CFH: variants seen among roughly 807,000 people sequenced by gnomAD.
The protein encoded by CFH is H factor 1 (complement).
CFH carries 53 observed loss-of-function variants against 147.3 expected under a neutral mutation model. That is an observed-to-expected ratio of 0.36 (90% CI 0.29 to 0.45). CFH has a LOEUF of 0.45. Among genes scored for constraint, CFH ranks in the 20% least tolerant of loss-of-function variants. The probability of loss-of-function intolerance (pLI) is 1.00; values close to 1 mark genes in which losing one functional copy is unlikely to be tolerated. For synonymous variants in CFH, 536 were observed against 489.4 expected (o/e 1.10, Z -1.26); for missense variants, 1,380 against 1,498.0 (o/e 0.92, Z 1.30).
intron 9 of CFH, chr1:196,701,609 A>C (rs545413601): frequency 2.2e-6 from 1 of 453,496 alleles, no homozygotes; most frequent in South Asian, 2.8e-5. Flanking sequence ...TGCAGCAGGC[A>C]TACAAATCTG....
In CFH at chr1:196,714,668, T is replaced by TAG. The variant is rs1205328020; in HGVS notation, c.1519+801_1519+802dup. ...ATATATATATATATATATATATATA[T>TAG]AGAGAGAGAGAGAGAGAGAGAGAGA... On this transcript the variant is annotated intron_variant, in intron 10 of 21. Transcript: ENST00000367429. 4.4e-3 allele frequency among the ~76,000 whole-genome samples: 93 copies of TAG among 21,308 alleles called. 4 individuals carry two copies. The highest frequency in any genetic ancestry group is 6.3e-3 in the Non-Finnish European group (75 of 11,840). 14.0% of individuals were successfully genotyped at this position (21,308 alleles called of 152,430 possible).
intron 9 of CFH, among the ~76,000 whole-genome samples, chr1:196,709,527 G>T (rs189233668): frequency 1.3e-5 from 2 of 152,012 alleles, no homozygotes; most frequent in Non-Finnish European, 2.9e-5. Flanking sequence ...GATCAAGCCC[G>T]GAAGGAACTG....
chr1:196,736,669 C>G (rs1669410527), intron 15 of CFH, among the ~76,000 whole-genome samples, 155 bp from the exon 16 acceptor site: 1 of 150,510 alleles, frequency 6.6e-6, no homozygotes, highest in African/African-American at 2.5e-5. Flanking sequence ...ACAAAAACAT[C>G]ATAATTAATA....
intron 1 of CFH, among the ~76,000 whole-genome samples, chr1:196,657,442 T>C (rs940509112): frequency 1.3e-5 from 2 of 152,164 alleles, no homozygotes; most frequent in Admixed American, 1.3e-4. Context: ...GGGTCAAAAA[T>C]ACAGTATTGG....
At chr1:196,725,358 C>A (rs1669111515) in intron 12 of CFH, 61 bp downstream of exon 12, 2 of 1,547,956 alleles carry the variant, frequency 1.3e-6, no homozygotes, top group Non-Finnish European at 8.9e-7. Flanking sequence ...CAACTTTTTT[C>A]TTATTAATTT....
At chr1:196,652,587 C>A (rs986621631) in intron 1 of CFH, among the ~76,000 whole-genome samples, 4 of 151,676 alleles carry the variant, frequency 2.6e-5, no homozygotes, top group Admixed American at 6.6e-5. Context: ...AGATTTATTT[C>A]AAATATGATT....
chr1:196,720,496 G>T (rs867912659), intron 11 of CFH, among the ~76,000 whole-genome samples: 1 of 151,752 alleles, frequency 6.6e-6, no homozygotes, highest in Non-Finnish European at 1.5e-5. Context: ...CCATATGTAC[G>T]CATTATTTAG....
intron 6 of CFH, among the ~76,000 whole-genome samples, chr1:196,683,129 T>C (rs956106565): frequency 2.7e-4 from 41 of 150,746 alleles, no homozygotes; most frequent in African/African-American, 1.0e-3. Flanking sequence ...AAGCAAAAAA[T>C]ATAAAGTAAA....
chr1:196,713,938 G>A, intron 10 of CFH, 21 bp downstream of exon 10: 1 of 1,601,790 alleles, frequency 6.2e-7, no homozygotes, highest in Non-Finnish European at 8.5e-7. Flanking sequence ...TATTATGTTT[G>A]TATTGATTAT....
chr1:196,726,894 A>C lies in CFH; in HGVS notation c.2190A>C (p.Ser730=), dbSNP rs1162474860. The C allele has an allele frequency of 1.9e-6, 3 of 1,613,794 alleles. No homozygotes were observed. Among genetic ancestry groups the C allele is most frequent in the Non-Finnish European group, 1.7e-6 (2 of 1,179,764 alleles). ...SESFTMIGHR[S]ITCIHGVWTQ... ...CATTTACAATGATTGGACACAGATC[A>C]ATTACGTGTATTCATGGAGTATGGA... Residue 730 remains serine (S), a synonymous_variant, in exon 14 of 22, where the codon TCA becomes TCC. Transcript: ENST00000367429.
chr1:196,738,186 C>T (rs1221259609), intron 17 of CFH, among the ~76,000 whole-genome samples: 1 of 152,086 alleles, frequency 6.6e-6, no homozygotes. Context: ...CTACTGAGTC[C>T]CTCCCACAAA....
chr1:196,681,335 CTT>C lies in CFH; in HGVS notation c.790+1545_790+1546del, dbSNP rs935161090. 2.0e-5 allele frequency among the ~76,000 whole-genome samples: 3 copies of C among 151,428 alleles called. No homozygotes were observed. The Admixed American group carries it at 2.0e-4, about 10-fold the overall frequency. On this transcript the variant is annotated intron_variant, in intron 6 of 21. Coordinates refer to ENST00000367429, the MANE Select transcript of CFH (RefSeq NM_000186.4). ...TTGTAGTCATCTGATTTTTTCGTCT[CTT>C]TTACTTCTTCACTTTGATACCTACT...
chr1:196,657,895 C>T (rs1215646563), intron 1 of CFH, among the ~76,000 whole-genome samples: 1 of 151,882 alleles, frequency 6.6e-6, no homozygotes, highest in Non-Finnish European at 1.5e-5. Context: ...TTAAGGATTT[C>T]CCAAATATAT....
chr1:196,702,265 A>G (rs1668476163), intron 9 of CFH, among the ~76,000 whole-genome samples: 1 of 152,044 alleles, frequency 6.6e-6, no homozygotes, highest in Non-Finnish European at 1.5e-5. Flanking sequence ...TCTACTTCTT[A>G]TAACCCAACA....
At chr1:196,679,144 T>C (rs1667560842) in intron 5 of CFH, 1 of 154,328 alleles carries the variant, frequency 6.5e-6, no homozygotes, top group Non-Finnish European at 1.4e-5. Context: ...GCCATTTTTT[T>C]TTTTTCTGAG....
At chr1:196,660,110 A>T (rs1335974284) in intron 1 of CFH, among the ~76,000 whole-genome samples, 4 of 152,176 alleles carry the variant, frequency 2.6e-5, no homozygotes, top group Non-Finnish European at 5.9e-5. Flanking sequence ...GGGGACTAGA[A>T]TGAGTGGATC....
At chr1:196,745,594 A>G (rs1172506614) in intron 20 of CFH, among the ~76,000 whole-genome samples, 4 of 152,238 alleles carry the variant, frequency 2.6e-5, no homozygotes, top group Non-Finnish European at 5.9e-5. Context: ...CATAAGCAGC[A>G]ATATTTGTTA....
At chr1:196,706,866 C>A (rs770945903) in intron 9 of CFH, among the ~76,000 whole-genome samples, 11 of 152,164 alleles carry the variant, frequency 7.2e-5, no homozygotes, top group Non-Finnish European at 1.0e-4. Context: ...ATTGATTTTA[C>A]CGTGATGCCA....
intron 1 of CFH, among the ~76,000 whole-genome samples, chr1:196,655,344 G>A (rs1027598723): frequency 5.9e-5 from 9 of 152,166 alleles, no homozygotes; most frequent in African/African-American, 1.9e-4. Context: ...GAAATGGCAC[G>A]AGCCTGAGAC....
Sources: allele counts gnomAD v4.1 joint callset (sites outside exome capture counted in the v4.1 genomes callset), GRCh38; gene constraint gnomAD v4.1.1; transcripts MANE v1.5; gene names NCBI Gene and HGNC (gene_info 2026-07-23, HGNC 2026-07-21).